The following CNOT1 variants were observed in gnomAD, a reference collection of about 807,000 sequenced individuals.
CNOT1 encodes CCR4-NOT transcription complex subunit 1.
A neutral mutation model predicts 273.8 loss-of-function variants in CNOT1; 15 were observed. That is an observed-to-expected ratio of 0.05 (90% CI 0.04 to 0.08). The LOEUF is 0.08. CNOT1 is among the 10% of genes least tolerant of loss of function. The pLI is 1.00. For synonymous variants in CNOT1, 1,022 were observed against 1,005.5 expected (o/e 1.02, Z -0.31); for missense variants, 1,644 against 2,912.2 (o/e 0.56, Z 10.02).
In CNOT1 at chr16:58,547,692, T is replaced by C. The variant is rs764765824; in HGVS notation, c.3523-10A>G. On this transcript the variant is annotated splice_polypyrimidine_tract_variant and intron_variant, in intron 25 of 48. Coordinates refer to ENST00000317147, the MANE Select transcript of CNOT1 (RefSeq NM_016284.5). This position sits in a 1 kb window ranked among gnomAD's most constrained non-coding sequence, Gnocchi z 4.0. Reference sequence around the variant, plus strand: ...CAGAGGTCAGGAGCACCTGAAATAGTGTAAGATTAAGAAAGATATGAGAAT... The same window carrying C: ...CAGAGGTCAGGAGCACCTGAAATAGCGTAAGATTAAGAAAGATATGAGAAT... The C allele has an allele frequency of 1.1e-5, 17 of 1,608,662 alleles. No individual in the cohort carries two copies. Among genetic ancestry groups the C allele is most frequent in the Non-Finnish European group, 1.4e-5 (16 of 1,177,994 alleles).
In CNOT1 at chr16:58,560,347, C is replaced by T; in HGVS notation, c.1995G>A (p.Glu665=). Residue 665 remains glutamate, a synonymous_variant, in exon 17 of 49, where the codon GAG becomes GAA. Coordinates refer to ENST00000317147, the MANE Select transcript of CNOT1 (RefSeq NM_016284.5). ...LQACAGSVSQ[E]LSETILTMVA... is the part of the protein sequence containing the mutation. ...CCATGGTGAGGATAGTTTCTGATAG[C>T]TCCTGAGAAACACTCCTAAAATAGA... 1.9e-6 allele frequency: 3 copies of T among 1,613,994 alleles called. No homozygotes were observed. Among genetic ancestry groups the T allele is most frequent in the African/African-American group, 2.7e-5 (2 of 75,016 alleles).
intron 1 of CNOT1, among the ~76,000 whole-genome samples, chr16:58,609,088 T>C (rs1187350776): frequency 6.6e-6 from 1 of 152,102 alleles, no homozygotes; most frequent in Non-Finnish European, 1.5e-5. Context: ...CTAAAGAACT[T>C]ACTCGCCAGG....
chr16:58,532,161 A>C lies in CNOT1; in HGVS notation c.6059+71T>G. On this transcript the variant is annotated intron_variant, in intron 41 of 48. Transcript: ENST00000317147. ...TGAATGTAGGCTCAAAATGCTCAAG[A>C]GTTCTACTCCCAAAATTTTACTACA... is the stretch of plus-strand genomic sequence containing the variant. 1.9e-6 allele frequency: 3 copies of C among 1,605,636 alleles called. No homozygotes were observed. In the South Asian group the frequency reaches 3.3e-5, roughly 18 times the overall value.
intron 29 of CNOT1, 72 bp downstream of exon 29, chr16:58,546,249 T>C: frequency 7.6e-7 from 1 of 1,315,590 alleles, no homozygotes; most frequent in Non-Finnish European, 1.1e-6. Flanking sequence ...GTTTGCGATA[T>C]ACATGGACAA....
intron 42 of CNOT1, among the ~76,000 whole-genome samples, chr16:58,530,906 T>C (rs1201267948): frequency 6.6e-6 from 1 of 151,976 alleles, no homozygotes; most frequent in Non-Finnish European, 1.5e-5. Context: ...TTTCAAGACA[T>C]AATGGTCCCT....
chr16:58,533,872 G>A (rs1652393760), intron 40 of CNOT1, among the ~76,000 whole-genome samples: 1 of 152,052 alleles, frequency 6.6e-6, no homozygotes. Flanking sequence ...GTTCATGCCT[G>A]TAATCCCAGC....
At chr16:58,579,608 A>G (rs2041584516) in intron 12 of CNOT1, among the ~76,000 whole-genome samples, 1 of 152,228 alleles carries the variant, frequency 6.6e-6, no homozygotes, top group South Asian at 2.1e-4. Flanking sequence ...CCACCACCAA[A>G]AAAAGTAAAG....
chr16:58,627,615 T>C (rs1168088686), intron 1 of CNOT1, among the ~76,000 whole-genome samples: 1 of 151,526 alleles, frequency 6.6e-6, no homozygotes, highest in South Asian at 2.1e-4. Flanking sequence ...ACAACATCTA[T>C]GTTAAAGAGA....
At position 58,587,209 on chromosome 16, in the gene CNOT1, C is replaced by G. The variant is rs1375743379; in HGVS notation, c.425G>C (p.Arg142Thr). ...TGGAAAAAGTAACTCACCGAAACCT[C>G]TAAGATCTGAGCTGGAAGAATTCAA... ...ALLNSSSSDL[R>T]GFAAQFIKQK... The change falls in exon 6 of 49, where the codon AGA becomes ACA. Residue 142 changes from arginine (R) to threonine (T), a missense_variant. This residue lies in a region of CNOT1 where 706 missense variants were observed against 1,021.2 expected (regional missense o/e 0.69). Transcript: ENST00000317147. 6.2e-7 allele frequency: 1 copy of G among 1,613,118 alleles called. No individual in the cohort carries two copies. The highest frequency in any genetic ancestry group is 1.7e-5 in the Admixed American group (1 of 59,730).
intron 21 of CNOT1, 59 bp downstream of exon 21, chr16:58,555,192 T>TTAAGACCCTGACCC (rs2040592751): frequency 4.5e-5 from 71 of 1,586,754 alleles, no homozygotes; most frequent in Non-Finnish European, 6.1e-5. Context: ...TGGATGAGAG[T>TTAAGACCCTGACCC]TAAGACCCTG....
chr16:58,549,241 C>T (rs952485695), intron 25 of CNOT1, among the ~76,000 whole-genome samples: 2 of 147,340 alleles, frequency 1.4e-5, no homozygotes, highest in African/African-American at 5.0e-5. Context: ...GAGCCGAGAT[C>T]GTGCCACTGC....
rs143744584 is a variant in CNOT1 at position 58,557,946 on chromosome 16, T to C, written c.2332+527A>G. On this transcript the variant is annotated intron_variant, in intron 18 of 48. Transcript: ENST00000317147. ...CGGAGGTTGCAGTGAGCCAAGATCG[T>C]ACCACTGCACTCCAGCCTGGGCAAC... is the stretch of plus-strand genomic sequence containing the variant. Among the ~76,000 whole-genome samples, 309 of 152,106 alleles carry C rather than the reference T, an allele frequency of 2.0e-3. 1 individual carries two copies. Among genetic ancestry groups the C allele is most frequent in the African/African-American group, 7.3e-3 (302 of 41,486 alleles).
chr16:58,533,528 C>T (rs551231573), intron 40 of CNOT1, among the ~76,000 whole-genome samples: 9 of 152,148 alleles, frequency 5.9e-5, no homozygotes, highest in African/African-American at 2.2e-4. Flanking sequence ...CCCAGCTACT[C>T]GGGAGGCTGA....
chr16:58,579,438 T>C (rs1167586084), intron 12 of CNOT1, among the ~76,000 whole-genome samples: 1 of 152,200 alleles, frequency 6.6e-6, no homozygotes, highest in Non-Finnish European at 1.5e-5. Flanking sequence ...TGTTATTTGT[T>C]AATGTGATAA....
At chr16:58,569,117 T>C (rs952772902) in intron 16 of CNOT1, among the ~76,000 whole-genome samples, 1 of 152,206 alleles carries the variant, frequency 6.6e-6, no homozygotes, top group Non-Finnish European at 1.5e-5. Context: ...CAAACACATT[T>C]ATTTTCATTT....
intron 8 of CNOT1, among the ~76,000 whole-genome samples, chr16:58,583,998 C>G (rs1008861425): frequency 2.6e-5 from 4 of 151,702 alleles, no homozygotes; most frequent in East Asian, 2.0e-4. Flanking sequence ...GAAACCCCAT[C>G]TCTACTAAAA....
chr16:58,584,856 T>C (rs1328092529), intron 8 of CNOT1, among the ~76,000 whole-genome samples: 3 of 152,114 alleles, frequency 2.0e-5, no homozygotes, highest in Non-Finnish European at 4.4e-5. Context: ...ATCACAGTCT[T>C]AAGTGCTACT....
chr16:58,593,068 C>G (rs749682152), intron 2 of CNOT1, among the ~76,000 whole-genome samples: 2 of 152,128 alleles, frequency 1.3e-5, no homozygotes, highest in Non-Finnish European at 2.9e-5. Context: ...CACAAAGAAT[C>G]AGGATGGAAC....
chr16:58,525,478 A>G (rs988494765), intron 45 of CNOT1, 119 bp from the exon 46 acceptor site: 44 of 802,308 alleles, frequency 5.5e-5, no homozygotes, highest in Admixed American at 1.6e-4. Flanking sequence ...ATTGTGATTC[A>G]CTTGCTTGAA....
Sources: gnomAD v4.1 joint callset for allele counts (sites outside exome capture counted in the v4.1 genomes callset) on GRCh38, gnomAD v4.1.1 for gene constraint, gnomAD v4.1.1 regional missense constraint, Gnocchi (gnomAD v3.1) non-coding constraint, MANE v1.5 for transcripts, NCBI Gene and HGNC (gene_info 2026-07-23, HGNC 2026-07-21) for gene names.